CELF2: variants seen among roughly 807,000 people sequenced by gnomAD.
The protein encoded by CELF2 is CUGBP Elav-like family member 2, also known as CUG triplet repeat RNA-binding protein 2.
In CELF2, 8 loss-of-function variants were observed where a neutral mutation model predicts 62.6. The ratio of observed to expected loss-of-function variants is 0.13; its 90% CI spans 0.07 to 0.23. The LOEUF (loss-of-function observed/expected upper bound fraction) is 0.23. Among genes scored for constraint, CELF2 ranks in the 10% least tolerant of loss-of-function variants. The probability of loss-of-function intolerance (pLI) is 1.00; values close to 1 mark genes in which losing one functional copy is unlikely to be tolerated. For synonymous variants in CELF2, 258 were observed against 250.0 expected (o/e 1.03, Z -0.30); for missense variants, 333 against 671.0 (o/e 0.50, Z 5.56).
intron 4 of CELF2, among the ~76,000 whole-genome samples, chr10:11,252,965 AC>A (rs1246769339): frequency 6.6e-6 from 1 of 152,144 alleles, no homozygotes; most frequent in African/African-American, 2.4e-5. Context: ...GCAGAAACAT[AC>A]TTAACCCTCT....
intron 1 of CELF2, among the ~76,000 whole-genome samples, chr10:11,096,933 C>G (rs147760469): frequency 2.0e-3 from 312 of 152,254 alleles, no homozygotes; most frequent in African/African-American, 6.9e-3. Context: ...CCCACTCCTC[C>G]TCCTCCTTTC....
At chr10:10,960,801 T>A (rs1419474368) in intron 2 of CELF2, among the ~76,000 whole-genome samples, 1 of 152,182 alleles carries the variant, frequency 6.6e-6, no homozygotes, top group African/African-American at 2.4e-5. Flanking sequence ...ACCTAATAGG[T>A]ATGCGTTAGA....
chr10:10,750,678 T>C, the CELF2 span, among the ~76,000 whole-genome samples: 2 of 152,274 alleles, frequency 1.3e-5, no homozygotes, highest in African/African-American at 4.8e-5. Context: ...GTGTGTTCCA[T>C]CTTAAAGTTA....
chr10:11,312,545 CA>C (rs1326674048), intron 9 of CELF2, among the ~76,000 whole-genome samples: 1 of 152,178 alleles, frequency 6.6e-6, no homozygotes, highest in African/African-American at 2.4e-5. Flanking sequence ...CTTTGATTTT[CA>C]TAAGTTAAAG....
intron 1 of CELF2, among the ~76,000 whole-genome samples, chr10:10,895,799 G>A (rs2062509044): frequency 6.6e-6 from 1 of 152,114 alleles, no homozygotes; most frequent in African/African-American, 2.4e-5. Context: ...AGTTTGCAAG[G>A]CACTGGAAGA....
chr10:10,823,394 G>A (rs2057126562), intron 1 of CELF2, among the ~76,000 whole-genome samples: 1 of 152,162 alleles, frequency 6.6e-6, no homozygotes, highest in Admixed American at 6.5e-5. Context: ...GCACTCGCAG[G>A]AATGGAAATT....
chr10:11,117,017 G>C lies in CELF2; in HGVS notation c.75-48469G>C, dbSNP rs925608443. Among the ~76,000 whole-genome samples the C allele has an allele frequency of 6.6e-6, 1 of 152,152 alleles. No homozygotes were observed. Among genetic ancestry groups the C allele is most frequent in the Non-Finnish European group, 1.5e-5 (1 of 68,028 alleles). On this transcript the variant is annotated intron_variant, in intron 1 of 12. Transcript: ENST00000633077. This position sits in a 1 kb window ranked among gnomAD's most constrained non-coding sequence, Gnocchi z 4.1. ...GGGCACAGTTAAGTCATGTGCCCAG[G>C]ATCACACAGCTGGTAATGGCAGAAC... is the stretch of plus-strand genomic sequence containing the variant.
At chr10:11,030,810 G>A (rs2059989393) in intron 1 of CELF2, 1 of 152,176 alleles carries the variant, frequency 6.6e-6, no homozygotes, top group Non-Finnish European at 1.5e-5. Context: ...GCTTTTTCTT[G>A]ATTGTATTTC....
chr10:10,959,540 G>A (rs2049263115), intron 2 of CELF2, among the ~76,000 whole-genome samples: 1 of 152,196 alleles, frequency 6.6e-6, no homozygotes, highest in Admixed American at 6.5e-5. Flanking sequence ...AGAATGATAA[G>A]GTTTCAACTG....
intron 2 of CELF2, among the ~76,000 whole-genome samples, chr10:10,927,556 T>C (rs1592034121): frequency 6.6e-6 from 1 of 152,034 alleles, no homozygotes; most frequent in African/African-American, 2.4e-5. Flanking sequence ...GACTCCCAAG[T>C]AGCTGGGACT....
the CELF2 span, among the ~76,000 whole-genome samples, chr10:10,696,938 G>T: frequency 6.6e-6 from 1 of 152,144 alleles, no homozygotes; most frequent in East Asian, 1.9e-4. Context: ...GAAATCACCC[G>T]TCTTCTGCGT....
rs1243755496 is a variant in CELF2 at position 11,324,069 on chromosome 10, T to C, written c.1295-1767T>C. 6.6e-6 allele frequency among the ~76,000 whole-genome samples: 1 copy of C among 152,188 alleles called. No homozygotes were observed. Among genetic ancestry groups the C allele is most frequent in the Admixed American group, 6.5e-5 (1 of 15,284 alleles). ...ATATCAGGAGCAAAAGGACAAAACC[T>C]ACTTGTGTGCGTTTACTGGTCTCTC... On this transcript the variant is annotated intron_variant, in intron 11 of 12. Transcript: ENST00000633077. The surrounding 1 kb of genome is among the most constrained non-coding windows in gnomAD (Gnocchi z 4.7).
intron 4 of CELF2, among the ~76,000 whole-genome samples, 170 bp downstream of exon 4, chr10:11,249,371 C>G (rs1315246433): frequency 6.6e-6 from 1 of 152,202 alleles, no homozygotes; most frequent in East Asian, 1.9e-4. Context: ...GCACTCGCCA[C>G]TCTCCTCTCT....
intron 2 of CELF2, among the ~76,000 whole-genome samples, chr10:11,189,223 A>T (rs1436772942): frequency 6.6e-6 from 1 of 152,170 alleles, no homozygotes; most frequent in East Asian, 1.9e-4. Context: ...TTCTTCACTC[A>T]TGTGCATTGA....
At chr10:10,973,521 G>A (rs888859107) in intron 2 of CELF2, among the ~76,000 whole-genome samples, 5 of 152,142 alleles carry the variant, frequency 3.3e-5, no homozygotes, top group Admixed American at 1.3e-4. Context: ...GAGGCAGGGC[G>A]TGAGTGGGAG....
At chr10:11,017,243 T>G (rs531678828), upstream of CELF2, among the ~76,000 whole-genome samples, 2 of 152,362 alleles carry the variant, frequency 1.3e-5, no homozygotes, top group African/African-American at 4.8e-5. This position sits in a 1 kb window ranked among gnomAD's most constrained non-coding sequence, Gnocchi z 5.5. Context: ...AGCTGGTTTC[T>G]AATTATTGTG....
chr10:10,721,114 T>G, the CELF2 span, among the ~76,000 whole-genome samples: 2 of 152,260 alleles, frequency 1.3e-5, no homozygotes. Context: ...TTGCATTTTA[T>G]GAGTTTTTAA....
rs181136927 is a variant in CELF2 at position 11,178,379 on chromosome 10, C to T, written c.271+12697C>T. ...TATTCAGCTCTAGAGGTGGCAAACA[C>T]GGGGCCCTTCCACCAGGCCCACTCC... On this transcript the variant is annotated intron_variant, in intron 2 of 12. Transcript: ENST00000633077. The surrounding 1 kb of genome is among the most constrained non-coding windows in gnomAD (Gnocchi z 4.3). 3.8e-4 allele frequency among the ~76,000 whole-genome samples: 58 copies of T among 152,324 alleles called. 1 individual carries two copies. The South Asian group carries it at 7.7e-3, about 20-fold the overall frequency.
intron 1 of CELF2, among the ~76,000 whole-genome samples, chr10:11,108,159 C>T (rs1245402318): frequency 1.5e-5 from 2 of 136,788 alleles, no homozygotes; most frequent in East Asian, 2.4e-4. Flanking sequence ...GAATTCTCCC[C>T]CTCAGGCCAT....
Sources: gnomAD v4.1 joint callset for allele counts (sites outside exome capture counted in the v4.1 genomes callset) on GRCh38, gnomAD v4.1.1 for gene constraint, Gnocchi (gnomAD v3.1) non-coding constraint, MANE v1.5 for transcripts, NCBI Gene and HGNC (gene_info 2026-07-23, HGNC 2026-07-21) for gene names.